The following BLTP1 variants were observed in gnomAD, a reference collection of about 807,000 sequenced individuals.
The protein encoded by BLTP1 is fragile site-associated protein.
chr4:122,185,218 C>T, the BLTP1 span: 1 of 981,500 alleles, frequency 1.0e-6, no homozygotes, highest in Non-Finnish European at 1.2e-6. Flanking sequence ...TTGTAAACTC[C>T]ATAGTTTTCT....
the BLTP1 span, chr4:122,246,866 G>A: frequency 1.3e-6 from 2 of 1,572,854 alleles, no homozygotes; most frequent in Admixed American, 1.9e-5. Context: ...GTAAAAGCAA[G>A]CCTTGATCAT....
chr4:122,292,278 T>C, the BLTP1 span: 1 of 902,888 alleles, frequency 1.1e-6, no homozygotes, highest in Admixed American at 6.2e-5. Context: ...CATCAAACAG[T>C]TTTATCTTCA....
At chr4:122,325,789 CT>C in the BLTP1 span, 1 of 866,380 alleles carries the variant, frequency 1.2e-6, no homozygotes, top group Non-Finnish European at 1.5e-6. Flanking sequence ...TGTGTATTTA[CT>C]TTTAAGTCAT....
At chr4:122,339,229 G>C in the BLTP1 span, 1 of 1,613,240 alleles carries the variant, frequency 6.2e-7, no homozygotes, top group East Asian at 2.2e-5. Flanking sequence ...AAATTTAGCT[G>C]TTTACCAGTA....
chr4:122,220,058 T>C, the BLTP1 span, among the ~76,000 whole-genome samples: 11 of 152,238 alleles, frequency 7.2e-5, no homozygotes, highest in Admixed American at 1.3e-4. Context: ...TGGAATGATA[T>C]TAAATTGCCC....
the BLTP1 span, among the ~76,000 whole-genome samples, chr4:122,257,753 T>G: frequency 6.6e-6 from 1 of 152,164 alleles, no homozygotes; most frequent in Non-Finnish European, 1.5e-5. Flanking sequence ...ATGTCCCAAA[T>G]TGGAAAATGG....
chr4:122,153,055 T>TGCTGC, the BLTP1 span: 2 of 984,392 alleles, frequency 2.0e-6, no homozygotes, highest in Non-Finnish European at 2.4e-6. Flanking sequence ...AATTGGTGCT[T>TGCTGC]GCTGCACTGC....
chr4:122,353,587 A>G, the BLTP1 span, among the ~76,000 whole-genome samples: 13 of 152,084 alleles, frequency 8.5e-5, no homozygotes, highest in Admixed American at 2.6e-4. This position sits in a 1 kb window ranked among gnomAD's most constrained non-coding sequence, Gnocchi z 4.3. Flanking sequence ...ACATTGAGGG[A>G]AAAAAATGTT....
the BLTP1 span, chr4:122,262,985 T>C: frequency 6.2e-7 from 1 of 1,612,486 alleles, no homozygotes; most frequent in Non-Finnish European, 8.5e-7. Context: ...CGAGAACAGG[T>C]ACGTCCTCTA....
chr4:122,342,131 T>C, the BLTP1 span, among the ~76,000 whole-genome samples: 1 of 152,116 alleles, frequency 6.6e-6, no homozygotes, highest in Admixed American at 6.6e-5. Flanking sequence ...TGGCAGTTGA[T>C]TGGAGTAGCA....
At chr4:122,356,062 G>T in the BLTP1 span, 3 of 1,142,402 alleles carry the variant, frequency 2.6e-6, no homozygotes, top group South Asian at 1.9e-5. Context: ...GTGTTCCCAT[G>T]GATTTTTTGT....
chr4:122,287,416 C>T, the BLTP1 span: 1 of 177,270 alleles, frequency 5.6e-6, no homozygotes, highest in Non-Finnish European at 1.1e-5. Context: ...TGTTATTTTC[C>T]TAATTTGATA....
chr4:122,343,306 T>C, the BLTP1 span: 1 of 1,412,298 alleles, frequency 7.1e-7, no homozygotes. Context: ...GATGTTTGAG[T>C]GTTTCCATTT....
At chr4:122,189,195 A>T in the BLTP1 span, 1 of 794,162 alleles carries the variant, frequency 1.3e-6, no homozygotes, top group East Asian at 1.3e-4. Flanking sequence ...TTACATGATG[A>T]TATTAAACAT....
the BLTP1 span, among the ~76,000 whole-genome samples, chr4:122,323,681 G>A: frequency 6.6e-6 from 1 of 151,798 alleles, no homozygotes; most frequent in South Asian, 2.1e-4. Flanking sequence ...AGTGAGATCT[G>A]TAACATGTAA....
chr4:122,153,279 T>C, the BLTP1 span, among the ~76,000 whole-genome samples: 12 of 150,998 alleles, frequency 7.9e-5, no homozygotes, highest in Non-Finnish European at 1.3e-4. Flanking sequence ...TCTAAGCGCC[T>C]GTAAGTTTCA....
the BLTP1 span, among the ~76,000 whole-genome samples, chr4:122,163,436 G>T: frequency 6.6e-6 from 1 of 152,160 alleles, no homozygotes; most frequent in African/African-American, 2.4e-5. Flanking sequence ...CTTGTCCCTG[G>T]AGTGCAAGCT....
At chr4:122,243,782 C>G in the BLTP1 span, 1 of 1,396,710 alleles carries the variant, frequency 7.2e-7, no homozygotes, top group South Asian at 1.9e-5. Context: ...CATGTGTTCA[C>G]TCATCTTAAG....
chr4:122,200,060 A>C, the BLTP1 span: 2 of 969,408 alleles, frequency 2.1e-6, no homozygotes, highest in East Asian at 2.3e-4. Flanking sequence ...AGATTCTTTC[A>C]TATAAGATGG....
Sources: allele counts gnomAD v4.1 joint callset (sites outside exome capture counted in the v4.1 genomes callset), GRCh38; gene constraint gnomAD v4.1.1; non-coding constraint Gnocchi (gnomAD v3.1); transcripts MANE v1.5; gene names NCBI Gene and HGNC (gene_info 2026-07-23, HGNC 2026-07-21).